The following LYPLAL1 variants were observed in gnomAD, a reference collection of about 807,000 sequenced individuals.
The protein encoded by LYPLAL1 is lysophospholipase like 1.
Under a neutral mutation model 19.7 loss-of-function variants are expected in LYPLAL1, and 23 were observed. The observed-to-expected ratio is 1.17, with a 90% CI of 0.84 to 1.65. The LOEUF (loss-of-function observed/expected upper bound fraction) is 1.65, where lower values mean the gene tolerates loss of function less well. Ranked by LOEUF, LYPLAL1 falls within the 40% of genes most tolerant of loss-of-function variation. LYPLAL1 has a pLI of 0.00. For synonymous variants in LYPLAL1, 119 were observed against 96.3 expected (o/e 1.24, Z -1.38); for missense variants, 355 against 279.4 (o/e 1.27, Z -1.93).
chr1:219,243,598 C>G, the LYPLAL1 span, among the ~76,000 whole-genome samples: 694 of 151,930 alleles, frequency 4.6e-3, 5 homozygotes, highest in South Asian at 0.023. Flanking sequence ...GGAGGTGTGC[C>G]CAGCTACACA....
chr1:219,339,531 C>A, the LYPLAL1 span, among the ~76,000 whole-genome samples: 1 of 152,026 alleles, frequency 6.6e-6, no homozygotes, highest in Non-Finnish European at 1.5e-5. Flanking sequence ...ATGCAGCTAA[C>A]TGTTGTTTCA....
chr1:219,345,030 T>C, the LYPLAL1 span, among the ~76,000 whole-genome samples: 1 of 152,238 alleles, frequency 6.6e-6, no homozygotes, highest in Non-Finnish European at 1.5e-5. Context: ...GTATTTTTCC[T>C]AATCATAATA....
the LYPLAL1 span, among the ~76,000 whole-genome samples, chr1:219,342,536 T>A: frequency 6.6e-6 from 1 of 152,138 alleles, no homozygotes; most frequent in Non-Finnish European, 1.5e-5. Flanking sequence ...AGGAGTCTCG[T>A]GGTTTCCGCA....
chr1:219,240,159 A>G, the LYPLAL1 span, among the ~76,000 whole-genome samples: 1 of 151,722 alleles, frequency 6.6e-6, no homozygotes, highest in East Asian at 1.9e-4. Flanking sequence ...CTGCTGGAAG[A>G]CTTTGAAATC....
chr1:219,298,565 A>G, the LYPLAL1 span, among the ~76,000 whole-genome samples: 3 of 152,108 alleles, frequency 2.0e-5, no homozygotes, highest in Admixed American at 6.6e-5. Context: ...TCTTTTTCCC[A>G]CCACCCAAGA....
chr1:219,418,893 A>C, the LYPLAL1 span, among the ~76,000 whole-genome samples: 1 of 152,240 alleles, frequency 6.6e-6, no homozygotes, highest in African/African-American at 2.4e-5. Flanking sequence ...TATAGTTGGA[A>C]TCATACAGCA....
chr1:219,251,548 G>A, the LYPLAL1 span, among the ~76,000 whole-genome samples: 1 of 116,278 alleles, frequency 8.6e-6, no homozygotes, highest in Non-Finnish European at 1.9e-5. Flanking sequence ...TTTCCCCACT[G>A]ATTTTTTTTT....
At chr1:219,400,676 G>A in the LYPLAL1 span, among the ~76,000 whole-genome samples, 1 of 152,136 alleles carries the variant, frequency 6.6e-6, no homozygotes, top group South Asian at 2.1e-4. Flanking sequence ...TGTATTATTA[G>A]TACAGACAGG....
At chr1:219,335,867 C>T in the LYPLAL1 span, among the ~76,000 whole-genome samples, 3 of 151,582 alleles carry the variant, frequency 2.0e-5, no homozygotes, top group Non-Finnish European at 4.4e-5. Flanking sequence ...AAGTTGTGGA[C>T]AGACCCTAAT....
chr1:219,255,681 A>G, the LYPLAL1 span, among the ~76,000 whole-genome samples: 1 of 151,926 alleles, frequency 6.6e-6, no homozygotes, highest in Non-Finnish European at 1.5e-5. Context: ...TCCTAACATC[A>G]AGACGAAATC....
intron 3 of LYPLAL1, among the ~76,000 whole-genome samples, chr1:219,206,625 T>G (rs1325068616): frequency 1.3e-5 from 2 of 152,074 alleles, no homozygotes; most frequent in Non-Finnish European, 2.9e-5. Context: ...TTCTTCATTG[T>G]AACTTAAGAG....
At chr1:219,256,731 A>G in the LYPLAL1 span, among the ~76,000 whole-genome samples, 36 of 152,100 alleles carry the variant, frequency 2.4e-4, no homozygotes, top group African/African-American at 7.5e-4. Flanking sequence ...GATTCCTTCT[A>G]CACATGGCTT....
At chr1:219,315,241 A>G in the LYPLAL1 span, among the ~76,000 whole-genome samples, 1 of 152,246 alleles carries the variant, frequency 6.6e-6, no homozygotes, top group Non-Finnish European at 1.5e-5. Context: ...GCAAAAGCAA[A>G]TACAAGAAAT....
At chr1:219,182,616 A>C (rs1428183676) in intron 2 of LYPLAL1, among the ~76,000 whole-genome samples, 1 of 152,076 alleles carries the variant, frequency 6.6e-6, no homozygotes, top group Non-Finnish European at 1.5e-5. Context: ...CTTTTTAAAA[A>C]TTTATCAAGG....
intron 2 of LYPLAL1, among the ~76,000 whole-genome samples, chr1:219,188,979 C>T (rs1656939315): frequency 6.6e-6 from 1 of 151,590 alleles, no homozygotes; most frequent in Non-Finnish European, 1.5e-5. Context: ...TTTATGCTTT[C>T]TTAGCAAGAA....
At chr1:219,222,135 C>G in the LYPLAL1 span, 1 of 150,868 alleles carries the variant, frequency 6.6e-6, no homozygotes, top group East Asian at 2.0e-4. Context: ...AGATGTTGTC[C>G]TATATCAAAT....
chr1:219,292,593 C>G, the LYPLAL1 span, among the ~76,000 whole-genome samples: 22 of 152,160 alleles, frequency 1.4e-4, no homozygotes, highest in Admixed American at 1.4e-3. Flanking sequence ...CTCATTTCCC[C>G]AGCACAGCTG....
chr1:219,405,613 T>C, the LYPLAL1 span, among the ~76,000 whole-genome samples: 1 of 152,212 alleles, frequency 6.6e-6, no homozygotes, highest in Non-Finnish European at 1.5e-5. Flanking sequence ...GAACAGCGCA[T>C]TACTATAACT....
At chr1:219,249,008 AAT>A in the LYPLAL1 span, among the ~76,000 whole-genome samples, 1 of 152,034 alleles carries the variant, frequency 6.6e-6, no homozygotes, top group East Asian at 1.9e-4. Flanking sequence ...GTATTCAAAT[AAT>A]ATATTGGGAC....
Sources: allele counts gnomAD v4.1 joint callset (sites outside exome capture counted in the v4.1 genomes callset), GRCh38; gene constraint gnomAD v4.1.1; transcripts MANE v1.5; gene names NCBI Gene and HGNC (gene_info 2026-07-23, HGNC 2026-07-21).